Variants in MACROD1 observed in about 807,000 individuals in gnomAD.
MACROD1 encodes mono-ADP ribosylhydrolase 1.
A neutral mutation model predicts 41.4 loss-of-function variants in MACROD1; 31 were observed. The ratio of observed to expected loss-of-function variants is 0.75; its 90% CI spans 0.56 to 1.01. The LOEUF is 1.01. MACROD1 is among the 50% of genes least tolerant of loss of function. MACROD1 has a pLI of 0.00. For missense variants in MACROD1, 473 were observed against 460.0 expected, an observed-to-expected ratio of 1.03 and a Z score of -0.26; for synonymous variants, 252 against 203.4, an observed-to-expected ratio of 1.24 and a Z score of -2.03.
intron 3 of MACROD1, among the ~76,000 whole-genome samples, chr11:64,050,401 A>G (rs1444001001): frequency 1.3e-5 from 2 of 152,216 alleles, no homozygotes; most frequent in African/African-American, 4.8e-5. Flanking sequence ...TCCTGGGGCC[A>G]GGCCCTTGGC....
Position 64,132,683 on chromosome 11 carries a change from G to A in MACROD1, c.517+18556C>T, listed in dbSNP as rs1056721813. Among the ~76,000 whole-genome samples the A allele has an allele frequency of 2.6e-5, 4 of 152,150 alleles. No individual in the cohort carries two copies. In the South Asian group the frequency reaches 6.2e-4, roughly 24 times the overall value. On this transcript the variant is annotated intron_variant, in intron 3 of 10. Coordinates refer to ENST00000255681, the MANE Select transcript of MACROD1 (RefSeq NM_014067.4). ...TTGGCACAGTCCAGGCTGTGTGCCC[G>A]GGTCTCCTAATGAATGTGGCTCTTC...
chr11:64,116,727 G>A (rs560975821), intron 3 of MACROD1: 3 of 1,613,728 alleles, frequency 1.9e-6, no homozygotes, highest in African/African-American at 2.7e-5. Context: ...CCCGCTGCTG[G>A]AGAAGCTGCA....
chr11:64,119,681 A>G (rs1309374935), intron 3 of MACROD1, among the ~76,000 whole-genome samples: 1 of 152,058 alleles, frequency 6.6e-6, no homozygotes, highest in Non-Finnish European at 1.5e-5. Context: ...CTGTTTCTTG[A>G]GAGGGAGAGA....
chr11:64,049,491 A>G (rs1322341385), intron 3 of MACROD1, among the ~76,000 whole-genome samples: 1 of 152,136 alleles, frequency 6.6e-6, no homozygotes, highest in Admixed American at 6.5e-5. Flanking sequence ...AGGTATGAGG[A>G]AACTGAGGCC....
At chr11:64,022,598 G>A (rs1263862747) in intron 3 of MACROD1, among the ~76,000 whole-genome samples, 2 of 152,216 alleles carry the variant, frequency 1.3e-5, no homozygotes, top group African/African-American at 4.8e-5. Flanking sequence ...ACACCCCGCA[G>A]ATGGAATAAC....
intron 3 of MACROD1, chr11:64,087,151 G>A (rs1039156433): frequency 2.0e-5 from 3 of 152,216 alleles, no homozygotes; most frequent in African/African-American, 7.2e-5. Context: ...GGGCCACAGA[G>A]GCATTAAAAT....
chr11:64,011,398 T>C (rs976934829), intron 4 of MACROD1, among the ~76,000 whole-genome samples: 2 of 151,686 alleles, frequency 1.3e-5, no homozygotes, highest in East Asian at 1.9e-4. Flanking sequence ...CCCCTCTCCA[T>C]TGAGGGACTG....
intron 3 of MACROD1, 110 bp downstream of exon 3, chr11:64,151,129 C>G: frequency 1.1e-6 from 1 of 892,366 alleles, no homozygotes; most frequent in Non-Finnish European, 1.8e-6. Flanking sequence ...TCCTTGCCAG[C>G]AACCCGAGCC....
intron 3 of MACROD1, among the ~76,000 whole-genome samples, chr11:64,050,975 T>A (rs1353561386): frequency 6.6e-6 from 1 of 152,166 alleles, no homozygotes; most frequent in African/African-American, 2.4e-5. Context: ...GCCAGGCCTG[T>A]CCCCTGAGCC....
chr11:64,145,521 C>T (rs1028590730), intron 3 of MACROD1, among the ~76,000 whole-genome samples: 16 of 152,176 alleles, frequency 1.1e-4, no homozygotes, highest in African/African-American at 3.9e-4. Flanking sequence ...TTCGGTGGAA[C>T]TGATGCTGAT....
At chr11:64,153,941 C>T (rs1167430251) in intron 1 of MACROD1, among the ~76,000 whole-genome samples, 3 of 152,044 alleles carry the variant, frequency 2.0e-5, no homozygotes, top group African/African-American at 4.8e-5. Context: ...CCGCATTCCA[C>T]GCCCCTGCAG....
At chr11:64,158,907 C>T (rs573921672) in intron 1 of MACROD1, among the ~76,000 whole-genome samples, 36 of 152,230 alleles carry the variant, frequency 2.4e-4, no homozygotes, top group Admixed American at 2.0e-3. Flanking sequence ...GAAAGTAGGA[C>T]GGGCACAGTG....
chr11:64,095,405 A>C (rs1211327477), intron 3 of MACROD1, among the ~76,000 whole-genome samples: 1 of 152,206 alleles, frequency 6.6e-6, no homozygotes, highest in Non-Finnish European at 1.5e-5. Flanking sequence ...TCTCGGCCAG[A>C]GAGAGCATGT....
chr11:64,034,558 G>C (rs1943338733), intron 3 of MACROD1, among the ~76,000 whole-genome samples: 1 of 152,220 alleles, frequency 6.6e-6, no homozygotes, highest in South Asian at 2.1e-4. Flanking sequence ...GCCAGAGGCG[G>C]CGGCCTCAGG....
chr11:64,142,099 T>A (rs1182994181), intron 3 of MACROD1, among the ~76,000 whole-genome samples: 1 of 152,118 alleles, frequency 6.6e-6, no homozygotes, highest in Non-Finnish European at 1.5e-5. Flanking sequence ...GTAAAATGGA[T>A]CAGCCCCTTC....
At chr11:64,164,717 C>G (rs1037468755) in intron 1 of MACROD1, among the ~76,000 whole-genome samples, 4 of 152,014 alleles carry the variant, frequency 2.6e-5, no homozygotes, top group East Asian at 1.9e-4. Context: ...AGGACCCCCC[C>G]ATCCTGCCTG....
intron 3 of MACROD1, among the ~76,000 whole-genome samples, chr11:64,089,872 C>T (rs150029710): frequency 3.3e-5 from 5 of 152,254 alleles, no homozygotes; most frequent in Non-Finnish European, 7.4e-5. Context: ...GTGCTGGAGT[C>T]GAGACCAGCT....
chr11:64,012,796 A>G lies in MACROD1; in HGVS notation c.547+2456T>C, dbSNP rs926516201. Among the ~76,000 whole-genome samples the G allele has an allele frequency of 2.6e-5, 4 of 152,200 alleles. No homozygotes were observed. In the South Asian group the frequency reaches 6.2e-4, roughly 24 times the overall value. On this transcript the variant is annotated intron_variant, in intron 4 of 10. Transcript: ENST00000255681. ...GGTGATCCACCTGCCTTGGCCTCCC[A>G]AAGTGCTGGGATTACAGGCATGAGC... is the stretch of plus-strand genomic sequence containing the variant.
chr11:64,019,002 G>A (rs1194479936), intron 3 of MACROD1, among the ~76,000 whole-genome samples: 2 of 152,152 alleles, frequency 1.3e-5, no homozygotes, highest in Non-Finnish European at 2.9e-5. Flanking sequence ...CAGCAAACAG[G>A]GGCCTTTGAA....
Sources: allele counts gnomAD v4.1 joint callset (sites outside exome capture counted in the v4.1 genomes callset), GRCh38; gene constraint gnomAD v4.1.1; transcripts MANE v1.5; gene names NCBI Gene and HGNC (gene_info 2026-07-23, HGNC 2026-07-21).